WDR59: variants seen among roughly 807,000 people sequenced by gnomAD.
WDR59 encodes WD repeat domain 59, also known as GATOR2 complex protein WDR59.
A neutral mutation model predicts 131.2 loss-of-function variants in WDR59; 100 were observed. The observed-to-expected ratio is 0.76, with a 90% CI of 0.65 to 0.90. The LOEUF is 0.90. Ranked by LOEUF, WDR59 falls within the 40% of genes least tolerant of loss-of-function variation. The pLI is 0.00. For synonymous variants in WDR59, 601 were observed against 466.2 expected (o/e 1.29, Z -3.72); for missense variants, 1,203 against 1,262.2 (o/e 0.95, Z 0.71).
chr16:74,920,068 C>CAAAAA (rs71378717), intron 10 of WDR59, among the ~76,000 whole-genome samples: 1 of 120,906 alleles, frequency 8.3e-6, no homozygotes, highest in African/African-American at 3.5e-5. Flanking sequence ...GACCCTATCT[C>CAAAAA]AAAAAAAAAA....
chr16:74,964,595 A>C (rs922157386), intron 2 of WDR59, among the ~76,000 whole-genome samples: 5 of 152,204 alleles, frequency 3.3e-5, no homozygotes, highest in Non-Finnish European at 7.3e-5. Flanking sequence ...AAATTAAAAC[A>C]TAATTTCAAA....
chr16:74,918,053 A>T (rs780083538), intron 10 of WDR59, 45 bp from the exon 11 acceptor site: 2 of 1,586,230 alleles, frequency 1.3e-6, no homozygotes, highest in Admixed American at 3.3e-5. Flanking sequence ...TCTGGATTCA[A>T]CGTCTATTTG....
Position 74,885,722 on chromosome 16 carries a change from C to G in WDR59, c.2620G>C (p.Gly874Arg). The G allele has an allele frequency of 6.2e-7, 1 of 1,614,020 alleles. No homozygotes were observed. The highest frequency in any genetic ancestry group is 8.5e-7 in the Non-Finnish European group (1 of 1,180,004). ...ACTTCAGCTCGCTTCTCTCTCAGAC[C>G]CCAACGGTAGAGGATTTCCCCATAG... Reference protein sequence around the residue: ...KCYGEILYRWGLREKRAEVLK... With the variant: ...KCYGEILYRWRLREKRAEVLK... Residue 874 changes from glycine to arginine, a missense_variant, in exon 25 of 26, where the codon GGT becomes CGT. Transcript: ENST00000262144.
chr16:74,951,982 G>GT (rs1208338353), intron 3 of WDR59, among the ~76,000 whole-genome samples: 2 of 151,110 alleles, frequency 1.3e-5, no homozygotes, highest in African/African-American at 4.9e-5. Context: ...CCTACCACAG[G>GT]TTTTTGTTTT....
intron 18 of WDR59, among the ~76,000 whole-genome samples, chr16:74,903,661 G>C (rs1267161647): frequency 6.6e-6 from 1 of 152,026 alleles, no homozygotes; most frequent in African/African-American, 2.4e-5. Context: ...GAAATAATGG[G>C]AATCAACTCA....
At chr16:74,880,168 C>A (rs1042646658) in intron 25 of WDR59, among the ~76,000 whole-genome samples, 19 of 152,152 alleles carry the variant, frequency 1.2e-4, no homozygotes, top group African/African-American at 4.6e-4. Flanking sequence ...TATGATACGG[C>A]CGGGTGCAGT....
chr16:74,904,862 A>G (rs540567185), intron 17 of WDR59, among the ~76,000 whole-genome samples: 1 of 152,346 alleles, frequency 6.6e-6, no homozygotes, highest in East Asian at 1.9e-4. Flanking sequence ...TATATGGTCT[A>G]TTGATGTTCA....
Position 74,889,765 on chromosome 16 carries a change from A to G in WDR59, c.2133T>C (p.Ser711=). Residue 711 remains serine, a synonymous_variant, in exon 21 of 26, where the codon TCT becomes TCC. Transcript: ENST00000262144. ...VATDLCLGPK[S]DPDLETPWAR... is the part of the protein sequence containing the mutation. ...CCCAGGGTGTTTCCAAATCTGGGTCAGATTTCGGACCAAGGCAAAGATCTG... is the reference window on the plus strand; with the variant it reads ...CCCAGGGTGTTTCCAAATCTGGGTCGGATTTCGGACCAAGGCAAAGATCTG... 1 of 1,614,202 alleles carries G rather than the reference A, an allele frequency of 6.2e-7. No homozygotes were observed. The highest frequency in any genetic ancestry group is 1.1e-5 in the South Asian group (1 of 91,080).
intron 3 of WDR59, among the ~76,000 whole-genome samples, chr16:74,953,926 C>T (rs539563531): frequency 2.7e-4 from 41 of 150,632 alleles, no homozygotes; most frequent in African/African-American, 9.3e-4. Flanking sequence ...GGCGTGAACC[C>T]GGGAGGTGGA....
chr16:74,874,537 C>T, intron 25 of WDR59, 93 bp from the exon 26 acceptor site: 1 of 1,000,484 alleles, frequency 1.0e-6, no homozygotes, highest in Non-Finnish European at 1.5e-6. Flanking sequence ...GGAAGTCTTC[C>T]TCTCAAGACT....
intron 1 of WDR59, among the ~76,000 whole-genome samples, chr16:74,983,444 G>A (rs769616846): frequency 6.6e-6 from 1 of 152,060 alleles, no homozygotes; most frequent in Non-Finnish European, 1.5e-5. Flanking sequence ...CTACACTACA[G>A]TCTGGGTCAT....
intron 11 of WDR59, among the ~76,000 whole-genome samples, chr16:74,917,213 C>G (rs1350146781): frequency 6.6e-6 from 1 of 152,152 alleles, no homozygotes; most frequent in Non-Finnish European, 1.5e-5. Flanking sequence ...AAACAGATAT[C>G]ATTTATCGGG....
rs772281415 is a variant in WDR59, at chr16:74,893,696, C to T, written c.1983G>A (p.Ser661=). 1.3e-5 allele frequency: 21 copies of T among 1,613,924 alleles called. No individual in the cohort carries two copies. In the East Asian group the frequency reaches 1.6e-4, roughly 12 times the overall value. Residue 661 remains serine (S), a synonymous_variant, in exon 19 of 26, where the codon TCG becomes TCA. Coordinates refer to ENST00000262144, the MANE Select transcript of WDR59 (RefSeq NM_030581.4). ...GTACTTACATGTACAGCTCTCCCAGCGATTTGTGAACAGGCAGGAGGCAAG... is the reference window on the plus strand; with the variant it reads ...GTACTTACATGTACAGCTCTCCCAGTGATTTGTGAACAGGCAGGAGGCAAG... ...DIACLLPVHK[S]LGELYILNVN...
intron 21 of WDR59, among the ~76,000 whole-genome samples, chr16:74,889,084 C>T (rs184882362): frequency 3.9e-4 from 60 of 152,328 alleles, no homozygotes; most frequent in Non-Finnish European, 7.5e-4. Flanking sequence ...AGCACGAACA[C>T]GTGTCCCAGG....
intron 1 of WDR59, among the ~76,000 whole-genome samples, chr16:74,969,727 C>T (rs1413844461): frequency 6.6e-6 from 1 of 151,758 alleles, no homozygotes; most frequent in East Asian, 1.9e-4. Flanking sequence ...TGCCACCACG[C>T]CCGGCTCATT....
At chr16:74,903,856 T>A in intron 18 of WDR59, 91 bp downstream of exon 18, 1 of 1,436,632 alleles carries the variant, frequency 7.0e-7, no homozygotes, top group Non-Finnish European at 9.4e-7. Context: ...TACAGGGTGA[T>A]TACTAATCTA....
intron 1 of WDR59, among the ~76,000 whole-genome samples, chr16:74,970,111 GAT>G (rs1369972698): frequency 2.6e-5 from 4 of 152,128 alleles, no homozygotes; most frequent in African/African-American, 4.8e-5. Context: ...TTTTGGTAGA[GAT>G]AGTGTTTCAC....
chr16:74,921,126 T>C (rs1179171327), intron 10 of WDR59, among the ~76,000 whole-genome samples: 1 of 152,126 alleles, frequency 6.6e-6, no homozygotes, highest in Non-Finnish European at 1.5e-5. Context: ...CAGGGGTTCA[T>C]GTGCAGGTTT....
chr16:74,946,442 C>T (rs886497050), intron 6 of WDR59, among the ~76,000 whole-genome samples: 5 of 152,042 alleles, frequency 3.3e-5, no homozygotes, highest in African/African-American at 1.2e-4. Context: ...TGGTTTCTGC[C>T]CGGGTGTGGT....
Sources: gnomAD v4.1 joint callset for allele counts (sites outside exome capture counted in the v4.1 genomes callset) on GRCh38, gnomAD v4.1.1 for gene constraint, MANE v1.5 for transcripts, NCBI Gene and HGNC (gene_info 2026-07-23, HGNC 2026-07-21) for gene names.